Variants in CARHSP1 observed in about 807,000 individuals in gnomAD.
CARHSP1 encodes calcium-regulated heat-stable protein 1.
CARHSP1 carries 14 observed loss-of-function variants against 12.5 expected under a neutral mutation model. The ratio of observed to expected loss-of-function variants is 1.12; its 90% CI spans 0.74 to 1.75. CARHSP1 has a LOEUF of 1.75. CARHSP1 is among the 40% of genes most tolerant of loss of function. The pLI is 0.00. For synonymous variants in CARHSP1, 161 were observed against 82.0 expected (o/e 1.96, Z -5.20); for missense variants, 343 against 201.6 (o/e 1.70, Z -4.25).
chr16:8,855,670 A>C (rs1311593687), intron 3 of CARHSP1, among the ~76,000 whole-genome samples: 1 of 132,150 alleles, frequency 7.6e-6, no homozygotes, highest in Admixed American at 1.0e-4. Flanking sequence ...AGTCCAAGCC[A>C]GAGAGCCAGA....
At chr16:8,861,007 A>AC (rs1303419553) in intron 1 of CARHSP1, among the ~76,000 whole-genome samples, 1 of 150,764 alleles carries the variant, frequency 6.6e-6, no homozygotes, top group Non-Finnish European at 1.5e-5. Context: ...CCGAGATCAC[A>AC]CCACAGCACT....
intron 1 of CARHSP1, 73 bp from the exon 2 acceptor site, chr16:8,859,408 G>T (rs917200430): frequency 3.7e-6 from 5 of 1,335,530 alleles, no homozygotes; most frequent in East Asian, 2.5e-5. Context: ...CCATGTCCAC[G>T]TCTGACAGTC....
chr16:8,855,588 C>G (rs748743880), intron 3 of CARHSP1, among the ~76,000 whole-genome samples: 1 of 152,228 alleles, frequency 6.6e-6, no homozygotes, highest in East Asian at 1.9e-4. Context: ...GTTCAGCCAC[C>G]TGTGGGTGCT....
Position 8,858,435 on chromosome 16 carries a change from C to G in CARHSP1, c.196G>C (p.Val66Leu), listed in dbSNP as rs561676324. The G allele has an allele frequency of 3.1e-6, 5 of 1,614,060 alleles. No individual in the cohort carries two copies. The South Asian group carries it at 4.4e-5, about 14-fold the overall frequency. Residue 66 changes from valine to leucine, a missense_variant, in exon 3 of 4, where the codon GTC becomes CTC. Physicochemically the swap from Val to Leu is conservative, Grantham distance 32. Coordinates refer to ENST00000311052, the MANE Select transcript of CARHSP1 (RefSeq NM_014316.4). ...TTGGACCGGCAGAAGCATTTGCAGA[C>G]TCCTTTGTAGACGGGGCCCTGTGAA... is the stretch of plus-strand genomic sequence containing the variant. Reference protein sequence around the residue: ...RASQGPVYKGVCKCFCRSKGH... With the variant: ...RASQGPVYKGLCKCFCRSKGH...
chr16:8,867,137 T>A (rs2141131903), intron 1 of CARHSP1: 1 of 152,440 alleles, frequency 6.6e-6, no homozygotes, highest in South Asian at 2.1e-4. Flanking sequence ...CAGCCTGGAC[T>A]GCCCCTCCTG....
intron 1 of CARHSP1, among the ~76,000 whole-genome samples, chr16:8,861,158 A>ATTTTTT (rs765114977): frequency 3.9e-5 from 2 of 51,268 alleles, no homozygotes; most frequent in African/African-American, 8.6e-5. Context: ...TCCATGCCTA[A>ATTTTTT]TTTTTTTTTT....
At chr16:8,866,103 G>A (rs1451879499) in intron 1 of CARHSP1, among the ~76,000 whole-genome samples, 1 of 152,132 alleles carries the variant, frequency 6.6e-6, no homozygotes, top group South Asian at 2.1e-4. Flanking sequence ...ACAGGCGTGT[G>A]CTACCACACC....
chr16:8,867,029 C>T (rs1192546901), intron 1 of CARHSP1, among the ~76,000 whole-genome samples: 1 of 152,220 alleles, frequency 6.6e-6, no homozygotes, highest in East Asian at 1.9e-4. Context: ...CCATTAGCAC[C>T]CCTGGACGGC....
chr16:8,864,290 A>C (rs368945270), intron 1 of CARHSP1, among the ~76,000 whole-genome samples: 10 of 152,120 alleles, frequency 6.6e-5, no homozygotes, highest in African/African-American at 2.4e-4. Context: ...GCACACGTCC[A>C]TGGAGCGGGG....
Position 8,861,836 on chromosome 16 carries a change from G to C in CARHSP1, c.-7-2501C>G, listed in dbSNP as rs1223893966. The C allele has an allele frequency of 1.8e-5, 21 of 1,194,314 alleles. No homozygotes were observed. In the Admixed American group the frequency reaches 6.6e-4, roughly 37 times the overall value. The allele number at this position is 1,194,314 out of a possible 1,614,324, so 74.0% of individuals were successfully genotyped here. A position where few individuals can be genotyped will look rare whatever the true frequency, so the allele number is the denominator to read the frequency against. On this transcript the variant is annotated intron_variant, in intron 1 of 3. Transcript: ENST00000311052. ...GTTCAACGCCCAGAGTTCCAGGAAA[G>C]AGGCTGGCCCTGGGAGGGGAGGGCC...
In CARHSP1 at chr16:8,854,324, A is replaced by C. The variant is rs918458129; in HGVS notation, c.*840T>G. On this transcript the variant is annotated 3_prime_UTR_variant, in exon 4 of 4. Transcript: ENST00000311052. ...TGGATCGGGACAAAGTTTTTAAACAAAGACTGTGTCCTCTCCACAAGCCCT... is the reference window on the plus strand; with the variant it reads ...TGGATCGGGACAAAGTTTTTAAACACAGACTGTGTCCTCTCCACAAGCCCT... The C allele has an allele frequency of 6.6e-6, 1 of 152,202 alleles. No homozygotes were observed. The highest frequency in any genetic ancestry group is 1.9e-4 in the East Asian group (1 of 5,194). 9.4% of individuals were successfully genotyped at this position (152,202 alleles called of 1,614,324 possible).
At chr16:8,861,766 G>C (rs2061362816) in intron 1 of CARHSP1, 1 of 1,280,424 alleles carries the variant, frequency 7.8e-7, no homozygotes, top group Non-Finnish European at 1.0e-6. Context: ...CTGGGGGCCA[G>C]GGCCCCCGCA....
intron 2 of CARHSP1, chr16:8,858,782 T>C: frequency 2.3e-6 from 1 of 435,182 alleles, no homozygotes; most frequent in African/African-American, 2.0e-5. Flanking sequence ...AACACAAGCA[T>C]CCTCCACTCG....
At chr16:8,863,112 C>CTTTGTTTTTTTTTTT in intron 1 of CARHSP1, among the ~76,000 whole-genome samples, 1 of 74,130 alleles carries the variant, frequency 1.3e-5, no homozygotes, top group African/African-American at 5.8e-5. Context: ...ACAAGGATGG[C>CTTTGTTTTTTTTTTT]TTTTTTTTTT....
At chr16:8,861,905 C>T in intron 1 of CARHSP1, 2 of 819,334 alleles carry the variant, frequency 2.4e-6, no homozygotes, top group South Asian at 3.9e-5. Flanking sequence ...AGTGGCCTCG[C>T]AACTCCACAG....
chr16:8,863,737 C>T lies in CARHSP1; in HGVS notation c.-7-4402G>A, dbSNP rs184263662. On this transcript the variant is annotated intron_variant, in intron 1 of 3. Transcript: ENST00000311052. Reference sequence around the variant, plus strand: ...GAATGGCCTCAGTGCGGGGGAGGGCCGGGCAAAGTCCAGCTGGAAAGAAAA... The same window carrying T: ...GAATGGCCTCAGTGCGGGGGAGGGCTGGGCAAAGTCCAGCTGGAAAGAAAA... Among the ~76,000 whole-genome samples, 10 of 152,008 alleles carry T rather than the reference C, an allele frequency of 6.6e-5. No homozygotes were observed. In the East Asian group the frequency reaches 1.7e-3, roughly 27 times the overall value.
Position 8,855,393 on chromosome 16 carries a change from G to T in CARHSP1, c.282-67C>A, listed in dbSNP as rs1030748117. 21 of 1,360,666 alleles carry T rather than the reference G, an allele frequency of 1.5e-5. No individual in the cohort carries two copies. The Admixed American group carries it at 5.0e-4, about 32-fold the overall frequency. The allele number at this position is 1,360,666 out of a possible 1,614,324, so 84.3% of individuals were successfully genotyped here. A position where few individuals can be genotyped will look rare whatever the true frequency, so the allele number is the denominator to read the frequency against. ...CACAGCTCCCTTCCCCAAGACACCA[G>T]CCACCCTTCTGGTCACACAGCCACC... On this transcript the variant is annotated intron_variant, in intron 3 of 3. Transcript: ENST00000311052.
chr16:8,855,667 G>C (rs1264259925), intron 3 of CARHSP1, among the ~76,000 whole-genome samples: 1 of 132,120 alleles, frequency 7.6e-6, no homozygotes, highest in Non-Finnish European at 1.6e-5. Context: ...GCCAGTCCAA[G>C]CCAGAGAGCC....
At chr16:8,856,595 G>GC (rs1191889491) in intron 3 of CARHSP1, among the ~76,000 whole-genome samples, 1 of 151,088 alleles carries the variant, frequency 6.6e-6, no homozygotes, top group Non-Finnish European at 1.5e-5. Flanking sequence ...GTATTCTCCT[G>GC]CCTGCCGATC....
Sources: allele counts gnomAD v4.1 joint callset (sites outside exome capture counted in the v4.1 genomes callset), GRCh38; gene constraint gnomAD v4.1.1; transcripts MANE v1.5; gene names NCBI Gene and HGNC (gene_info 2026-07-23, HGNC 2026-07-21).